ZNF423: variants seen among roughly 807,000 people sequenced by gnomAD.
ZNF423 encodes Ebf-associated zinc finger protein.
A neutral mutation model predicts 95.8 loss-of-function variants in ZNF423; 12 were observed. The ratio of observed to expected loss-of-function variants is 0.13; its 90% CI spans 0.08 to 0.20. The LOEUF (loss-of-function observed/expected upper bound fraction) is 0.20, where lower values mean the gene tolerates loss of function less well. Ranked by LOEUF, ZNF423 falls within the 10% of genes least tolerant of loss-of-function variation. ZNF423 has a pLI of 1.00. For synonymous variants in ZNF423, 749 were observed against 711.9 expected, an observed-to-expected ratio of 1.05 and a Z score of -0.83; for missense variants, 1,316 against 1,737.1, an observed-to-expected ratio of 0.76 and a Z score of 4.31.
intron 3 of ZNF423, among the ~76,000 whole-genome samples, chr16:49,675,246 G>A (rs936625061): frequency 6.6e-6 from 1 of 152,152 alleles, no homozygotes; most frequent in Non-Finnish European, 1.5e-5. Context: ...TATATGCCAG[G>A]TATAAGCTCT....
intron 3 of ZNF423, among the ~76,000 whole-genome samples, chr16:49,664,805 G>A (rs902125012): frequency 2.0e-5 from 3 of 152,242 alleles, no homozygotes; most frequent in African/African-American, 4.8e-5. Context: ...CAACCAGAGC[G>A]AAAGGTGATG....
intron 5 of ZNF423, among the ~76,000 whole-genome samples, chr16:49,566,831 G>T (rs1396879334): frequency 6.6e-6 from 1 of 152,078 alleles, no homozygotes; most frequent in African/African-American, 2.4e-5. Flanking sequence ...AGGGGAAGAG[G>T]GTGTCAGGGA....
chr16:49,770,284 G>T (rs1159687690), intron 2 of ZNF423, among the ~76,000 whole-genome samples: 1 of 152,188 alleles, frequency 6.6e-6, no homozygotes, highest in Non-Finnish European at 1.5e-5. Flanking sequence ...TTCAAAGAGA[G>T]GTCTTGCAAC....
intron 5 of ZNF423, among the ~76,000 whole-genome samples, chr16:49,607,067 G>A (rs1971560758): frequency 7.9e-6 from 1 of 127,330 alleles, no homozygotes; most frequent in Non-Finnish European, 1.6e-5. Context: ...TAAATGTTTT[G>A]GATTTTTTTT....
At chr16:49,557,172 A>T (rs1175423066) in intron 5 of ZNF423, among the ~76,000 whole-genome samples, 1 of 152,218 alleles carries the variant, frequency 6.6e-6, no homozygotes, top group Non-Finnish European at 1.5e-5. Flanking sequence ...AGGGCGGCAG[A>T]GGGGCTGTTC....
chr16:49,660,138 C>A (rs1255887070), intron 3 of ZNF423, among the ~76,000 whole-genome samples: 1 of 152,140 alleles, frequency 6.6e-6, no homozygotes, highest in Non-Finnish European at 1.5e-5. Context: ...TCTGATAAGC[C>A]CTGGATTCCT....
At chr16:49,853,225 C>T (rs1165518336) in intron 1 of ZNF423, among the ~76,000 whole-genome samples, 1 of 138,842 alleles carries the variant, frequency 7.2e-6, no homozygotes. Flanking sequence ...AAGACCTTGT[C>T]GTTTCAAACA....
At chr16:49,543,393 A>T (rs534490342) in intron 5 of ZNF423, among the ~76,000 whole-genome samples, 83 of 150,320 alleles carry the variant, frequency 5.5e-4, no homozygotes, top group Non-Finnish European at 9.9e-4. Context: ...CTCCGTGCCC[A>T]CTCCCCACCA....
At chr16:49,834,280 C>A (rs745836748) in intron 1 of ZNF423, among the ~76,000 whole-genome samples, 2 of 152,054 alleles carry the variant, frequency 1.3e-5, no homozygotes. Flanking sequence ...CAGATTGAGA[C>A]AGCATGAACA....
intron 1 of ZNF423, chr16:49,854,877 G>A: frequency 1.4e-5 from 14 of 985,360 alleles, no homozygotes; most frequent in African/African-American, 1.7e-5. Flanking sequence ...CGCGCACCCC[G>A]GGGAGCCAGC....
chr16:49,825,129 A>C (rs2144037653), intron 1 of ZNF423, among the ~76,000 whole-genome samples: 1 of 152,336 alleles, frequency 6.6e-6, no homozygotes, highest in South Asian at 2.1e-4. Context: ...ATAAATTTTT[A>C]TGTGGATTTC....
intron 7 of ZNF423, among the ~76,000 whole-genome samples, chr16:49,500,368 G>T (rs1331677456): frequency 6.6e-6 from 1 of 152,180 alleles, no homozygotes; most frequent in East Asian, 1.9e-4. Context: ...GGGTAGAAAT[G>T]CTGCACTGAT....
intron 1 of ZNF423, among the ~76,000 whole-genome samples, chr16:49,800,742 T>G (rs774033115): frequency 1.3e-5 from 2 of 152,170 alleles, no homozygotes; most frequent in African/African-American, 2.4e-5. Flanking sequence ...GAGGGAGCCC[T>G]TAAAATCCTC....
At chr16:49,785,241 G>C (rs550992809) in intron 2 of ZNF423, among the ~76,000 whole-genome samples, 1 of 151,952 alleles carries the variant, frequency 6.6e-6, no homozygotes, top group East Asian at 1.9e-4. Flanking sequence ...CATGCCCAGG[G>C]CTATTTTGTT....
intron 5 of ZNF423, among the ~76,000 whole-genome samples, chr16:49,537,254 C>T (rs1969085111): frequency 6.6e-6 from 1 of 152,208 alleles, no homozygotes; most frequent in South Asian, 2.1e-4. Flanking sequence ...GGATCAATAG[C>T]ACCTGGGCTC....
chr16:49,668,561 C>T (rs1032080185), intron 3 of ZNF423, among the ~76,000 whole-genome samples: 7 of 152,234 alleles, frequency 4.6e-5, no homozygotes, highest in African/African-American at 1.4e-4. Context: ...CTGTTTTCCA[C>T]TTGATTGGCA....
chr16:49,673,413 C>T (rs1317383338), intron 3 of ZNF423, among the ~76,000 whole-genome samples: 1 of 152,246 alleles, frequency 6.6e-6, no homozygotes, highest in African/African-American at 2.4e-5. Context: ...CATTAAGACA[C>T]TCCCACCAGC....
intron 5 of ZNF423, among the ~76,000 whole-genome samples, chr16:49,544,505 G>A (rs1279609537): frequency 6.6e-6 from 1 of 152,212 alleles, no homozygotes; most frequent in African/African-American, 2.4e-5. Context: ...ATTTGGGATG[G>A]GGGTCGAGGT....
chr16:49,586,555 G>A (rs1419716788), intron 5 of ZNF423, among the ~76,000 whole-genome samples: 1 of 152,228 alleles, frequency 6.6e-6, no homozygotes, highest in Non-Finnish European at 1.5e-5. Context: ...ATCTGCACGA[G>A]GGAAATTAGA....
Sources: gnomAD v4.1 joint callset for allele counts (sites outside exome capture counted in the v4.1 genomes callset) on GRCh38, gnomAD v4.1.1 for gene constraint, MANE v1.5 for transcripts, NCBI Gene and HGNC (gene_info 2026-07-23, HGNC 2026-07-21) for gene names.